Variants in RNGTT observed in about 807,000 individuals in gnomAD.
RNGTT encodes mRNA-capping enzyme.
In RNGTT, 33 loss-of-function variants were observed where a neutral mutation model predicts 79.3. The observed-to-expected ratio is 0.42, with a 90% confidence interval of 0.32 to 0.56. RNGTT has a LOEUF of 0.56. Among genes scored for constraint, RNGTT ranks in the 20% least tolerant of loss-of-function variants. The probability of loss-of-function intolerance (pLI) is 0.17; values close to 1 mark genes in which losing one functional copy is unlikely to be tolerated. For missense variants in RNGTT, 497 were observed against 739.1 expected (o/e 0.67, Z 3.80); for synonymous variants, 222 against 235.9 (o/e 0.94, Z 0.54).
rs535581114 is a variant in RNGTT at position 88,783,385 on chromosome 6, G to A, written c.1339-13511C>T. Among the ~76,000 whole-genome samples the A allele has an allele frequency of 3.7e-4, 57 of 152,170 alleles. No individual in the cohort carries two copies. In the Middle Eastern group the frequency reaches 0.01, roughly 27 times the overall value. ...ATTAGGATGGTGGCTGCCTGGAAAC[G>A]GAAGGAACTAGAAATGGGATGATGC... is the stretch of plus-strand genomic sequence containing the variant. On this transcript the variant is annotated intron_variant, in intron 12 of 15. Transcript: ENST00000369485.
At chr6:88,930,581 G>T (rs572032185) in intron 2 of RNGTT, among the ~76,000 whole-genome samples, 1 of 151,990 alleles carries the variant, frequency 6.6e-6, no homozygotes, top group African/African-American at 2.4e-5. Context: ...TAAAACGAAC[G>T]CATATAAAAT....
chr6:88,626,297 T>A (rs896557084), intron 14 of RNGTT, among the ~76,000 whole-genome samples: 2 of 152,000 alleles, frequency 1.3e-5, no homozygotes, highest in African/African-American at 4.8e-5. Context: ...AAAATTTGAA[T>A]TCTAGGTCTT....
chr6:88,728,336 G>A (rs1433544097), intron 13 of RNGTT, among the ~76,000 whole-genome samples: 6 of 152,304 alleles, frequency 3.9e-5, no homozygotes, highest in South Asian at 2.1e-4. Flanking sequence ...CCTGACTCTC[G>A]TCAGACTGGG....
chr6:88,918,337 C>T (rs573648723), intron 4 of RNGTT, among the ~76,000 whole-genome samples: 1 of 151,874 alleles, frequency 6.6e-6, no homozygotes, highest in Admixed American at 6.6e-5. Flanking sequence ...AGCAAACAAA[C>T]AAAAAACAGT....
chr6:88,908,554 C>A (rs1015577475), intron 4 of RNGTT, among the ~76,000 whole-genome samples: 3 of 152,122 alleles, frequency 2.0e-5, no homozygotes, highest in Admixed American at 1.3e-4. Context: ...CCAGGACTGG[C>A]CCCCAGTTCC....
At chr6:88,783,969 A>G (rs1779148658) in intron 12 of RNGTT, among the ~76,000 whole-genome samples, 1 of 152,138 alleles carries the variant, frequency 6.6e-6, no homozygotes, top group African/African-American at 2.4e-5. Flanking sequence ...GCTAGAGGAC[A>G]GTAAGATAAA....
At chr6:88,948,651 C>T (rs1582167560) in intron 1 of RNGTT, among the ~76,000 whole-genome samples, 1 of 138,132 alleles carries the variant, frequency 7.2e-6, no homozygotes, top group Non-Finnish European at 1.6e-5. Context: ...ATGACAATGG[C>T]GGCTTTGTGG....
chr6:88,899,108 G>C (rs1364964985), intron 6 of RNGTT, among the ~76,000 whole-genome samples: 1 of 149,084 alleles, frequency 6.7e-6, no homozygotes, highest in South Asian at 2.1e-4. Context: ...ATTATGGTTT[G>C]AAAAAAGAAA....
intron 14 of RNGTT, among the ~76,000 whole-genome samples, chr6:88,651,565 C>T (rs952979468): frequency 6.6e-6 from 1 of 151,810 alleles, no homozygotes; most frequent in Non-Finnish European, 1.5e-5. Flanking sequence ...AATAAATTAT[C>T]CTGTTTTTCT....
At chr6:88,796,081 C>T (rs1391959859) in intron 12 of RNGTT, among the ~76,000 whole-genome samples, 1 of 152,156 alleles carries the variant, frequency 6.6e-6, no homozygotes, top group Non-Finnish European at 1.5e-5. Context: ...CCAAGACATG[C>T]TGTAAGTGTA....
chr6:88,710,309 ATGT>A (rs1172847530), intron 13 of RNGTT, among the ~76,000 whole-genome samples: 1 of 152,226 alleles, frequency 6.6e-6, no homozygotes, highest in Non-Finnish European at 1.5e-5. Flanking sequence ...TATCATACAT[ATGT>A]ATTTAAATAT....
chr6:88,742,249 T>A (rs1777517169), intron 13 of RNGTT, among the ~76,000 whole-genome samples: 1 of 152,090 alleles, frequency 6.6e-6, no homozygotes, highest in Non-Finnish European at 1.5e-5. Context: ...GGAGGGAAGG[T>A]CAATAGCCCA....
chr6:88,863,738 C>G (rs1449367967), intron 8 of RNGTT, among the ~76,000 whole-genome samples: 1 of 152,136 alleles, frequency 6.6e-6, no homozygotes, highest in East Asian at 1.9e-4. Flanking sequence ...TATTAAATAC[C>G]AAGTGTAAGG....
intron 1 of RNGTT, among the ~76,000 whole-genome samples, chr6:88,961,607 T>C (rs185032434): frequency 1.4e-4 from 21 of 152,348 alleles, no homozygotes; most frequent in Admixed American, 4.6e-4. Context: ...ATCATAGCTT[T>C]TTGGCTATTC....
At chr6:88,616,839 T>C (rs1772244251) in intron 14 of RNGTT, among the ~76,000 whole-genome samples, 1 of 152,264 alleles carries the variant, frequency 6.6e-6, no homozygotes, top group South Asian at 2.1e-4. Flanking sequence ...TTCTGTAGGC[T>C]GCCTTTTCAC....
intron 8 of RNGTT, among the ~76,000 whole-genome samples, chr6:88,883,170 C>CAAAAAAAAAAAAAAAA (rs976114373): frequency 1.5e-5 from 1 of 68,868 alleles, no homozygotes; most frequent in Non-Finnish European, 3.2e-5. Context: ...CTCTTTATGA[C>CAAAAAAAAAAAAAAAA]AAAAAAAAAA....
At chr6:88,670,179 C>T (rs1774578766) in intron 14 of RNGTT, among the ~76,000 whole-genome samples, 1 of 152,208 alleles carries the variant, frequency 6.6e-6, no homozygotes, top group Non-Finnish European at 1.5e-5. Flanking sequence ...TCGTCAGAGA[C>T]ATGACAAAGC....
chr6:88,738,688 T>C (rs1313581973), intron 13 of RNGTT, among the ~76,000 whole-genome samples: 1 of 152,168 alleles, frequency 6.6e-6, no homozygotes, highest in Non-Finnish European at 1.5e-5. Flanking sequence ...TATTGGTTCA[T>C]TAATTGTAAT....
At chr6:88,843,403 CT>C (rs1781368673) in intron 11 of RNGTT, among the ~76,000 whole-genome samples, 1 of 151,886 alleles carries the variant, frequency 6.6e-6, no homozygotes, top group Non-Finnish European at 1.5e-5. Context: ...TATAGTACAC[CT>C]TTACTATCAT....
Sources: gnomAD v4.1 joint callset for allele counts (sites outside exome capture counted in the v4.1 genomes callset) on GRCh38, gnomAD v4.1.1 for gene constraint, MANE v1.5 for transcripts, NCBI Gene and HGNC (gene_info 2026-07-23, HGNC 2026-07-21) for gene names.